Variants in STK39 observed in about 807,000 individuals in gnomAD.
The protein encoded by STK39 is STE20/SPS1-related proline-alanine-rich protein kinase.
Under a neutral mutation model 77.8 loss-of-function variants are expected in STK39, and 20 were observed. The observed-to-expected ratio is 0.26, with a 90% CI of 0.18 to 0.37. The LOEUF (loss-of-function observed/expected upper bound fraction) is 0.37, where lower values mean the gene tolerates loss of function less well. Among genes scored for constraint, STK39 ranks in the 10% least tolerant of loss-of-function variants. The pLI, the probability that STK39 is intolerant of heterozygous loss-of-function variation, is 1.00. For synonymous variants in STK39, 246 were observed against 234.1 expected (o/e 1.05, Z -0.47); for missense variants, 479 against 656.5 (o/e 0.73, Z 2.95).
chr2:167,978,139 T>C (rs1408313330), intron 16 of STK39, among the ~76,000 whole-genome samples: 1 of 152,180 alleles, frequency 6.6e-6, no homozygotes, highest in Admixed American at 6.5e-5. Flanking sequence ...GGTTTTACAA[T>C]AGTGATGGTA....
intron 10 of STK39, among the ~76,000 whole-genome samples, chr2:168,082,043 C>G (rs1295565208): frequency 6.6e-6 from 1 of 152,112 alleles, no homozygotes; most frequent in Non-Finnish European, 1.5e-5. Context: ...ATACTCACAG[C>G]CCCTATCTTC....
chr2:168,193,845 G>A (rs1689401859), intron 1 of STK39, among the ~76,000 whole-genome samples: 2 of 152,196 alleles, frequency 1.3e-5, no homozygotes, highest in African/African-American at 2.4e-5. Flanking sequence ...GCTGGTCCAT[G>A]GGCCACATTT....
At chr2:168,018,875 A>G (rs892951245) in intron 14 of STK39, among the ~76,000 whole-genome samples, 1 of 152,144 alleles carries the variant, frequency 6.6e-6, no homozygotes, top group Non-Finnish European at 1.5e-5. Flanking sequence ...GGAGGCCCAC[A>G]AGGATACACA....
intron 14 of STK39, among the ~76,000 whole-genome samples, chr2:168,042,574 CTTCTT>C (rs1237883106): frequency 7.0e-5 from 9 of 128,458 alleles, no homozygotes; most frequent in Non-Finnish European, 1.3e-4. Flanking sequence ...ATCTTCCTTC[CTTCTT>C]TTTTTTTTTT....
At chr2:168,038,697 T>C (rs1219303911) in intron 14 of STK39, among the ~76,000 whole-genome samples, 1 of 152,146 alleles carries the variant, frequency 6.6e-6, no homozygotes, top group Non-Finnish European at 1.5e-5. Flanking sequence ...TACATTCAGA[T>C]TATATAAAGA....
At chr2:168,227,985 T>G (rs1690351355) in intron 1 of STK39, among the ~76,000 whole-genome samples, 1 of 152,108 alleles carries the variant, frequency 6.6e-6, no homozygotes, top group African/African-American at 2.4e-5. Context: ...ATCAACGAAG[T>G]GCCAAATATC....
chr2:167,979,096 T>C (rs921871796), intron 16 of STK39, among the ~76,000 whole-genome samples: 19 of 152,218 alleles, frequency 1.2e-4, no homozygotes, highest in Admixed American at 6.5e-5. Context: ...AATACTTGGG[T>C]ATTTCTGAGT....
intron 4 of STK39, chr2:168,163,511 T>A: frequency 1.2e-6 from 1 of 804,416 alleles, no homozygotes; most frequent in Non-Finnish European, 1.5e-6. Flanking sequence ...TAAGTACTTT[T>A]TTCCCATCTA....
chr2:168,127,923 T>C (rs148153655), intron 10 of STK39, among the ~76,000 whole-genome samples: 3 of 151,932 alleles, frequency 2.0e-5, no homozygotes, highest in Non-Finnish European at 2.9e-5. Context: ...GAAGACAAGG[T>C]AGGGAAGGAG....
chr2:168,235,049 T>A (rs1020579805), intron 1 of STK39, among the ~76,000 whole-genome samples: 6 of 151,890 alleles, frequency 4.0e-5, no homozygotes, highest in Non-Finnish European at 5.9e-5. Flanking sequence ...ATTTTTTTTT[T>A]TTTTTTGAAA....
intron 16 of STK39, among the ~76,000 whole-genome samples, chr2:167,981,567 A>C (rs1251612081): frequency 6.6e-6 from 1 of 152,208 alleles, no homozygotes; most frequent in Non-Finnish European, 1.5e-5. Flanking sequence ...GAACTTATGG[A>C]ATACAAAAAA....
At chr2:168,055,242 T>G (rs927887473) in intron 14 of STK39, among the ~76,000 whole-genome samples, 6 of 152,226 alleles carry the variant, frequency 3.9e-5, no homozygotes, top group Non-Finnish European at 8.8e-5. Flanking sequence ...GTTTAAGAAT[T>G]ATAATTCCTC....
intron 5 of STK39, among the ~76,000 whole-genome samples, chr2:168,151,022 T>C (rs546696221): frequency 2.9e-4 from 44 of 152,230 alleles, no homozygotes; most frequent in Non-Finnish European, 5.6e-4. Flanking sequence ...CTTGTTTGGC[T>C]CTATATGCCA....
chr2:168,018,381 T>C (rs964868516), intron 14 of STK39, among the ~76,000 whole-genome samples: 3 of 151,694 alleles, frequency 2.0e-5, no homozygotes, highest in African/African-American at 7.3e-5. Context: ...ATCCCTGTAA[T>C]CCCAGCTACT....
chr2:168,135,001 C>T (rs868850075), intron 8 of STK39, among the ~76,000 whole-genome samples: 7 of 152,098 alleles, frequency 4.6e-5, no homozygotes, highest in East Asian at 1.9e-4. Context: ...CATTCTTCAA[C>T]GGGTCCAAAT....
intron 10 of STK39, among the ~76,000 whole-genome samples, chr2:168,105,744 C>T (rs1418051579): frequency 6.6e-6 from 1 of 152,128 alleles, no homozygotes; most frequent in African/African-American, 2.4e-5. Context: ...GATTAATAAC[C>T]AAAAGGGCAA....
At chr2:167,979,475 T>C (rs1246811833) in intron 16 of STK39, among the ~76,000 whole-genome samples, 2 of 152,226 alleles carry the variant, frequency 1.3e-5, no homozygotes, top group African/African-American at 4.8e-5. Context: ...AGGGCTACTT[T>C]CTGACAATAA....
At chr2:168,242,156 C>T (rs1303036156) in intron 1 of STK39, among the ~76,000 whole-genome samples, 3 of 152,116 alleles carry the variant, frequency 2.0e-5, no homozygotes, top group Admixed American at 2.0e-4. Context: ...CCCATGACAG[C>T]ACATTTAAAA....
intron 13 of STK39, among the ~76,000 whole-genome samples, chr2:168,063,929 C>A (rs1401230496): frequency 2.6e-5 from 4 of 152,194 alleles, no homozygotes. Context: ...GCACCTTAAA[C>A]CCTGCAATGC....
Sources: gnomAD v4.1 joint callset for allele counts (sites outside exome capture counted in the v4.1 genomes callset) on GRCh38, gnomAD v4.1.1 for gene constraint, MANE v1.5 for transcripts, NCBI Gene and HGNC (gene_info 2026-07-23, HGNC 2026-07-21) for gene names.